DNAAF5: variants seen among roughly 807,000 people sequenced by gnomAD.
The protein encoded by DNAAF5 is HEAT repeat containing 2.
DNAAF5 carries 64 observed loss-of-function variants against 75.8 expected under a neutral mutation model. That is an observed-to-expected ratio of 0.84 (90% confidence interval 0.69 to 1.04). DNAAF5 has a LOEUF of 1.04. Among genes scored for constraint, DNAAF5 ranks in the 50% least tolerant of loss-of-function variants. The pLI is 0.00. For missense variants in DNAAF5, 1,269 were observed against 1,178.5 expected (o/e 1.08, Z -1.12); for synonymous variants, 657 against 557.2 (o/e 1.18, Z -2.52).
intron 9 of DNAAF5, among the ~76,000 whole-genome samples, chr7:773,418 G>T (rs1486708395): frequency 2.6e-5 from 4 of 152,208 alleles, no homozygotes; most frequent in African/African-American, 9.6e-5. Flanking sequence ...TCACTAATGA[G>T]TGTGTCATTT....
At chr7:763,354 A>G (rs1782725144) in intron 7 of DNAAF5, among the ~76,000 whole-genome samples, 1 of 152,140 alleles carries the variant, frequency 6.6e-6, no homozygotes, top group African/African-American at 2.4e-5. Context: ...CAGCCAGCTA[A>G]AAGTAAAAGG....
At chr7:755,243 A>C (rs1782446700) in intron 5 of DNAAF5, among the ~76,000 whole-genome samples, 1 of 152,196 alleles carries the variant, frequency 6.6e-6, no homozygotes, top group South Asian at 2.1e-4. Flanking sequence ...ATGATGGCAC[A>C]GCTTCGGGTG....
chr7:740,537 C>T (rs117627317), intron 2 of DNAAF5, among the ~76,000 whole-genome samples: 73 of 152,312 alleles, frequency 4.8e-4, no homozygotes, highest in East Asian at 2.7e-3. Context: ...GGCCGGGGCA[C>T]GGGGTATGTG....
chr7:737,981 A>G (rs1015165382), intron 2 of DNAAF5, among the ~76,000 whole-genome samples: 3 of 152,092 alleles, frequency 2.0e-5, no homozygotes, highest in African/African-American at 7.2e-5. Context: ...ATTCTTTGAT[A>G]TTATCCCTTT....
chr7:766,983 T>C (rs1295640695), intron 8 of DNAAF5, among the ~76,000 whole-genome samples: 12 of 151,624 alleles, frequency 7.9e-5, no homozygotes, highest in Non-Finnish European at 2.9e-5. Context: ...CTCACGCCTG[T>C]AATCCCAGCA....
chr7:782,642 C>G (rs1469103031), intron 12 of DNAAF5, among the ~76,000 whole-genome samples: 1 of 143,530 alleles, frequency 7.0e-6, no homozygotes, highest in African/African-American at 2.7e-5. Flanking sequence ...GCGTGGCCGC[C>G]TCCCGTCACG....
In DNAAF5 at chr7:726,880, C is replaced by A; in HGVS notation, c.160C>A (p.Arg54=). 2 of 1,327,154 alleles carry A rather than the reference C, an allele frequency of 1.5e-6. No homozygotes were observed. Among genetic ancestry groups the A allele is most frequent in the Non-Finnish European group, 9.6e-7 (1 of 1,040,910 alleles). The allele number at this position is 1,327,154 out of a possible 1,614,324, so 82.2% of individuals were successfully genotyped here. A position where few individuals can be genotyped will look rare whatever the true frequency, so the allele number is the denominator to read the frequency against. The change falls in exon 1 of 13, where the codon CGG becomes AGG. Residue 54 remains arginine (R), a synonymous_variant. Transcript: ENST00000297440. ...PGRRRALEAL[R]RALEEPGPAA... is the part of the protein sequence containing the mutation. ...CCGGCGGCGCGCCTTGGAGGCCCTG[C>A]GGCGCGCGCTGGAGGAGCCAGGCCC... is the stretch of plus-strand genomic sequence containing the variant.
rs915843397 is a variant in DNAAF5, at chr7:785,545, C to A, written c.2460C>A (p.Phe820Leu). The A allele has an allele frequency of 1.2e-6, 2 of 1,613,572 alleles. No individual in the cohort carries two copies. The highest frequency in any genetic ancestry group is 1.7e-5 in the Admixed American group (1 of 60,014). ...LEVLKEGSGLFPDLLVRETEA... is the reference protein window; with the variant it reads ...LEVLKEGSGLLPDLLVRETEA... ...TCCTCAAAGAGGGCAGCGGGCTGTT[C>A]CCAGATCTCCTGGTGAGGGAGACGG... Residue 820 changes from phenylalanine to leucine, a missense_variant, in exon 13 of 13, where the codon TTC (phenylalanine) becomes TTA (leucine). Phe to Leu is a conservative substitution (Grantham distance 22). Transcript: ENST00000297440.
chr7:766,977 C>T (rs1327279353), intron 8 of DNAAF5, among the ~76,000 whole-genome samples: 3 of 151,266 alleles, frequency 2.0e-5, no homozygotes, highest in East Asian at 2.0e-4. Context: ...TGGTGGCTCA[C>T]GCCTGTAATC....
rs376703877 is a variant in DNAAF5, at chr7:756,075, G to A, written c.1258-707G>A. On this transcript the variant is annotated intron_variant, in intron 5 of 12. Coordinates refer to ENST00000297440, the MANE Select transcript of DNAAF5 (RefSeq NM_017802.4). ...TGTGTGATCCGCTGTGGAATCCCAC[G>A]GTGCAGAGGGGCTGGTGTGTGTGTG... 1.1e-3 allele frequency among the ~76,000 whole-genome samples: 98 copies of A among 92,112 alleles called. 7 individuals carry two copies. Among genetic ancestry groups the A allele is most frequent in the African/African-American group, 4.0e-3 (93 of 23,290 alleles). The allele number at this position is 92,112 out of a possible 152,430, so 60.4% of individuals were successfully genotyped here. A position where few individuals can be genotyped will look rare whatever the true frequency, so the allele number is the denominator to read the frequency against.
Position 754,734 on chromosome 7 carries a change from C to G in DNAAF5, c.1170C>G (p.Ala390=), listed in dbSNP as rs746393600. The part of the protein sequence containing the change: ...AQLLPVLLLH[A]EDHATQHLEV... ...TGCTCCCAGTGCTGCTGCTGCATGC[C>G]GAGGACCACGCCACGCAGCACCTGG... Residue 390 remains alanine (A), a synonymous_variant, in exon 5 of 13, where the codon GCC becomes GCG. Coordinates refer to ENST00000297440, the MANE Select transcript of DNAAF5 (RefSeq NM_017802.4). This position sits in a 1 kb window ranked among gnomAD's most constrained non-coding sequence, Gnocchi z 4.8. 12 of 1,613,582 alleles carry G rather than the reference C, an allele frequency of 7.4e-6. No individual in the cohort carries two copies. In the East Asian group the frequency reaches 1.3e-4, roughly 18 times the overall value.
intron 2 of DNAAF5, among the ~76,000 whole-genome samples, chr7:733,641 T>C (rs35081586): frequency 0.84 from 127,624 of 152,102 alleles, 53,684 homozygotes; most frequent in South Asian, 0.9. Context: ...GGACTACAGG[T>C]GCCTGCCACC....
chr7:740,674 T>C, intron 2 of DNAAF5, 145 bp from the exon 3 acceptor site: 1 of 1,179,182 alleles, frequency 8.5e-7, no homozygotes, highest in Non-Finnish European at 1.2e-6. Flanking sequence ...GGGGATGGCA[T>C]CTAGGCGGTG....
chr7:783,002 C>T (rs75767656), intron 12 of DNAAF5, among the ~76,000 whole-genome samples: 1,957 of 152,376 alleles, frequency 0.013, 38 homozygotes, highest in East Asian at 0.12. Flanking sequence ...CCTGCGTGGG[C>T]ACCAGGCTCA....
At chr7:781,549 G>A (rs931149442) in intron 12 of DNAAF5, among the ~76,000 whole-genome samples, 1 of 149,292 alleles carries the variant, frequency 6.7e-6, no homozygotes, top group Non-Finnish European at 1.5e-5. Context: ...TGGGATTGCC[G>A]GGCTGTATGG....
chr7:784,472 T>C (rs931269551), intron 12 of DNAAF5, among the ~76,000 whole-genome samples: 5 of 152,128 alleles, frequency 3.3e-5, no homozygotes, highest in Non-Finnish European at 7.4e-5. Flanking sequence ...CCCAGCAGAA[T>C]CTGATAGACT....
intron 8 of DNAAF5, among the ~76,000 whole-genome samples, chr7:767,257 G>T (rs191324030): frequency 0.015 from 2,162 of 141,102 alleles, 36 homozygotes; most frequent in East Asian, 0.11. Flanking sequence ...AAAAAAAAAA[G>T]ACTGTAGGGT....
intron 8 of DNAAF5, among the ~76,000 whole-genome samples, chr7:766,962 G>A (rs1363622457): frequency 6.6e-6 from 1 of 150,408 alleles, no homozygotes; most frequent in Non-Finnish European, 1.5e-5. Flanking sequence ...GGGTCCCGCT[G>A]GGCGTGGTGG....
intron 10 of DNAAF5, 101 bp downstream of exon 10, chr7:774,299 G>C: frequency 8.0e-7 from 1 of 1,246,772 alleles, no homozygotes; most frequent in Non-Finnish European, 1.1e-6. Context: ...GCAGGCAGCA[G>C]CTGCACCTCC....
Sources: gnomAD v4.1 joint callset for allele counts (sites outside exome capture counted in the v4.1 genomes callset) on GRCh38, gnomAD v4.1.1 for gene constraint, Gnocchi (gnomAD v3.1) non-coding constraint, MANE v1.5 for transcripts, NCBI Gene and HGNC (gene_info 2026-07-23, HGNC 2026-07-21) for gene names.